Variants in MUC7 observed in about 807,000 individuals in gnomAD.
MUC7 encodes mucin-7.
In MUC7, 2 loss-of-function variants were observed where a neutral mutation model predicts 2.5. The observed-to-expected ratio is 0.81, with a 90% CI of 0.33 to 2.55. The LOEUF (loss-of-function observed/expected upper bound fraction) is 2.55, where lower values mean the gene tolerates loss of function less well. Among genes scored for constraint, MUC7 ranks in the 30% most tolerant of loss-of-function variants. MUC7 has a pLI of 0.11. For missense variants in MUC7, 408 were observed against 455.6 expected (o/e 0.90, Z 0.95); for synonymous variants, 133 against 173.4 (o/e 0.77, Z 1.83).
At chr4:70,454,273 C>T (rs1734361740) in intron 1 of MUC7, among the ~76,000 whole-genome samples, 1 of 152,196 alleles carries the variant, frequency 6.6e-6, no homozygotes, top group South Asian at 2.1e-4. Flanking sequence ...TTTAGAACCA[C>T]AGAGTACTTT....
At chr4:70,459,954 A>G (rs1416501256) in intron 1 of MUC7, among the ~76,000 whole-genome samples, 1 of 152,246 alleles carries the variant, frequency 6.6e-6, no homozygotes, top group Non-Finnish European at 1.5e-5. Flanking sequence ...ATAAATGTCA[A>G]CATTATTAAA....
chr4:70,469,304 C>A (rs962830164), upstream of MUC7, among the ~76,000 whole-genome samples: 3 of 152,104 alleles, frequency 2.0e-5, no homozygotes, highest in Non-Finnish European at 4.4e-5. Context: ...CATAAAAACC[C>A]TAGAAGAAAA....
chr4:70,444,161 GT>G (rs1416252247), intron 1 of MUC7, among the ~76,000 whole-genome samples: 1 of 152,144 alleles, frequency 6.6e-6, no homozygotes, highest in Non-Finnish European at 1.5e-5. Flanking sequence ...CTTATCTGAT[GT>G]TCCTTCCACA....
At chr4:70,431,981 A>C (rs1448108647) in intron 1 of MUC7, among the ~76,000 whole-genome samples, 1 of 152,062 alleles carries the variant, frequency 6.6e-6, no homozygotes, top group Non-Finnish European at 1.5e-5. Flanking sequence ...CCCACCTATG[A>C]GTAAGAACAT....
intron 1 of MUC7, among the ~76,000 whole-genome samples, chr4:70,453,480 G>T (rs1024293960): frequency 6.6e-6 from 1 of 152,154 alleles, no homozygotes; most frequent in African/African-American, 2.4e-5. Context: ...CAGTCAGCTT[G>T]TGCTGAATGC....
chr4:70,482,065 C>A lies in MUC7; in HGVS notation c.*187C>A. The A allele has an allele frequency of 1.4e-6, 1 of 723,948 alleles. No homozygotes were observed. The highest frequency in any genetic ancestry group is 2.2e-6 in the Non-Finnish European group (1 of 457,932). The allele number at this position is 723,948 out of a possible 1,614,324, so 44.8% of individuals were successfully genotyped here. A position where few individuals can be genotyped will look rare whatever the true frequency, so the allele number is the denominator to read the frequency against. On this transcript the variant is annotated 3_prime_UTR_variant, in exon 3 of 3. Transcript: ENST00000304887. Reference sequence around the variant, plus strand: ...TATTAACAAGACAAAATGCCTCTATCCCACAAGCCAGATGCAGGTCTGGGG... The same window carrying A: ...TATTAACAAGACAAAATGCCTCTATACCACAAGCCAGATGCAGGTCTGGGG...
At chr4:70,453,759 G>A (rs574703645) in intron 1 of MUC7, among the ~76,000 whole-genome samples, 2 of 152,226 alleles carry the variant, frequency 1.3e-5, no homozygotes, top group East Asian at 3.9e-4. Context: ...CTGCATCTCA[G>A]AGTCTCACCC....
intron 1 of MUC7, among the ~76,000 whole-genome samples, chr4:70,464,817 G>A (rs11932207): frequency 0.23 from 34,639 of 152,096 alleles, 4,689 homozygotes; most frequent in East Asian, 0.4. Context: ...GGTAATGGGC[G>A]CAGCTTCAGC....
chr4:70,449,635 T>C (rs902190418), intron 1 of MUC7, among the ~76,000 whole-genome samples: 1 of 152,174 alleles, frequency 6.6e-6, no homozygotes, highest in Non-Finnish European at 1.5e-5. Context: ...TTGGGTATTG[T>C]GGTCTAAGGT....
At chr4:70,433,846 A>C (rs920037756) in intron 1 of MUC7, among the ~76,000 whole-genome samples, 21 of 152,196 alleles carry the variant, frequency 1.4e-4, no homozygotes, top group African/African-American at 5.1e-4. Flanking sequence ...ATTCAGTATA[A>C]TATTGGCTGT....
chr4:70,449,988 A>G (rs1734240859), intron 1 of MUC7, among the ~76,000 whole-genome samples: 1 of 152,228 alleles, frequency 6.6e-6, no homozygotes, highest in African/African-American at 2.4e-5. Context: ...CTGGGGCTCT[A>G]TAATCAGCAG....
chr4:70,474,554 G>A (rs530217123), intron 2 of MUC7, among the ~76,000 whole-genome samples: 25 of 143,180 alleles, frequency 1.7e-4, no homozygotes, highest in African/African-American at 5.6e-4. Flanking sequence ...AGATAGATAG[G>A]TAGATAGACT....
intron 1 of MUC7, among the ~76,000 whole-genome samples, chr4:70,455,645 A>C (rs763293948): frequency 6.6e-6 from 1 of 152,142 alleles, no homozygotes; most frequent in Non-Finnish European, 1.5e-5. Context: ...TTTATAATAA[A>C]ATTTTTATCT....
At position 70,481,906 on chromosome 4, in the gene MUC7, C is replaced by A; in HGVS notation, c.*28C>A. 1 of 1,595,706 alleles carries A rather than the reference C, an allele frequency of 6.3e-7. No individual in the cohort carries two copies. The highest frequency in any genetic ancestry group is 1.1e-5 in the South Asian group (1 of 87,858). On this transcript the variant is annotated 3_prime_UTR_variant, in exon 3 of 3. Coordinates refer to ENST00000304887, the MANE Select transcript of MUC7 (RefSeq NM_152291.3). Reference sequence around the variant, plus strand: ...TATTGTATGTTGTAAAGTGTTCTGTCATTTACAAGATGTGATTCATGAGTG... The same window carrying A: ...TATTGTATGTTGTAAAGTGTTCTGTAATTTACAAGATGTGATTCATGAGTG...
chr4:70,431,625 T>C (rs1733668810), intron 1 of MUC7, among the ~76,000 whole-genome samples: 1 of 152,208 alleles, frequency 6.6e-6, no homozygotes, highest in Non-Finnish European at 1.5e-5. Context: ...GTTGTAGTTT[T>C]CATTGGAATT....
rs1443270951 is a variant in MUC7, at chr4:70,482,323, GTAGA to G, written c.*450_*453del. The G allele has an allele frequency of 6.2e-6, 1 of 160,180 alleles. No individual in the cohort carries two copies. Among genetic ancestry groups the G allele is most frequent in the Non-Finnish European group, 1.4e-5 (1 of 72,570 alleles). 9.9% of individuals were successfully genotyped at this position (160,180 alleles called of 1,614,324 possible). On this transcript the variant is annotated 3_prime_UTR_variant, in exon 3 of 3. Coordinates refer to ENST00000304887, the MANE Select transcript of MUC7 (RefSeq NM_152291.3). ...GATGAACAAAGACATCTAAATATCT[GTAGA>G]TAGAAACATTTATCTATCTAAATAT...
intron 1 of MUC7, among the ~76,000 whole-genome samples, chr4:70,457,369 A>G (rs1157365455): frequency 6.6e-6 from 1 of 152,122 alleles, no homozygotes; most frequent in Admixed American, 6.6e-5. Context: ...GCTTGAGGCC[A>G]GGAGGTTAAG....
chr4:70,462,760 G>T (rs944001009), intron 1 of MUC7, among the ~76,000 whole-genome samples: 1 of 152,054 alleles, frequency 6.6e-6, no homozygotes, highest in South Asian at 2.1e-4. Context: ...ATTGCTTGAG[G>T]CTAGTAGTTC....
chr4:70,460,794 T>C (rs1278935992), intron 1 of MUC7, among the ~76,000 whole-genome samples: 1 of 152,092 alleles, frequency 6.6e-6, no homozygotes, highest in Non-Finnish European at 1.5e-5. Flanking sequence ...TTCTGGGATG[T>C]TGTCATATGG....
Sources: allele counts gnomAD v4.1 joint callset (sites outside exome capture counted in the v4.1 genomes callset), GRCh38; gene constraint gnomAD v4.1.1; transcripts MANE v1.5; gene names NCBI Gene and HGNC (gene_info 2026-07-23, HGNC 2026-07-21).